FANCL: variants seen among roughly 807,000 people sequenced by gnomAD.
The protein encoded by FANCL is FA complementation group L.
In FANCL, 69 loss-of-function variants were observed where a neutral mutation model predicts 59.4. The ratio of observed to expected loss-of-function variants is 1.16; its 90% CI spans 0.96 to 1.42. The LOEUF (loss-of-function observed/expected upper bound fraction) is 1.42, where lower values mean the gene tolerates loss of function less well. Ranked by LOEUF, FANCL falls within the 40% of genes most tolerant of loss-of-function variation. The pLI, the probability that FANCL is intolerant of heterozygous loss-of-function variation, is 0.00. For synonymous variants in FANCL, 180 were observed against 147.1 expected, an observed-to-expected ratio of 1.22 and a Z score of -1.62; for missense variants, 519 against 447.2, an observed-to-expected ratio of 1.16 and a Z score of -1.45.
chr2:58,214,557 G>C (rs888862544), intron 5 of FANCL, among the ~76,000 whole-genome samples: 2 of 152,118 alleles, frequency 1.3e-5, no homozygotes, highest in Non-Finnish European at 2.9e-5. Flanking sequence ...CACCTAGACT[G>C]AAGTGCAGTG....
At chr2:58,233,129 T>A (rs7561771) in intron 1 of FANCL, among the ~76,000 whole-genome samples, 24,603 of 152,060 alleles carry the variant, frequency 0.16, 2,647 homozygotes, top group African/African-American at 0.31. Context: ...AATAATTCAC[T>A]GTTTCATTAA....
At chr2:58,199,682 A>T (rs1689798006) in intron 6 of FANCL, among the ~76,000 whole-genome samples, 1 of 152,170 alleles carries the variant, frequency 6.6e-6, no homozygotes, top group Non-Finnish European at 1.5e-5. Context: ...TTTCCTTATT[A>T]GAGAATCATA....
chr2:58,211,151 C>A (rs949149750), intron 5 of FANCL, among the ~76,000 whole-genome samples: 14 of 152,238 alleles, frequency 9.2e-5, no homozygotes, highest in African/African-American at 3.1e-4. Context: ...CCCACCCCTG[C>A]AGCAAACTTC....
At chr2:58,216,528 T>C (rs1176410434) in intron 5 of FANCL, among the ~76,000 whole-genome samples, 2 of 152,162 alleles carry the variant, frequency 1.3e-5, no homozygotes, top group African/African-American at 2.4e-5. Context: ...AAAGAAAGAA[T>C]AGTTACCTTA....
chr2:58,176,777 A>G (rs1687364609), intron 7 of FANCL, among the ~76,000 whole-genome samples: 1 of 152,166 alleles, frequency 6.6e-6, no homozygotes, highest in Non-Finnish European at 1.5e-5. Flanking sequence ...AAAATTGACA[A>G]ATGGGATCTA....
rs535205273 is a variant in FANCL, at chr2:58,189,387, TAAAA to T, written c.540+9203_540+9206del. 1.6e-3 allele frequency among the ~76,000 whole-genome samples: 239 copies of T among 152,136 alleles called. 3 individuals are homozygous for T. The highest frequency in any genetic ancestry group is 5.6e-3 in the African/African-American group (232 of 41,524). On this transcript the variant is annotated intron_variant, in intron 7 of 13. Coordinates refer to ENST00000233741, the MANE Select transcript of FANCL (RefSeq NM_018062.4). ...TTAGTTTTCTCAACAATTAGGAACTTAAAAAACACAAAATAGTAACAATCCTCAC... is the reference window on the plus strand; with the variant it reads ...TTAGTTTTCTCAACAATTAGGAACTTAACACAAAATAGTAACAATCCTCAC...
intron 5 of FANCL, among the ~76,000 whole-genome samples, chr2:58,217,667 C>G (rs981815719): frequency 5.9e-5 from 9 of 151,744 alleles, no homozygotes; most frequent in Admixed American, 2.0e-4. Flanking sequence ...TCTGTATGTA[C>G]CCAATAACAT....
chr2:58,193,118 T>C (rs1288521489), intron 7 of FANCL, among the ~76,000 whole-genome samples: 1 of 152,050 alleles, frequency 6.6e-6, no homozygotes, highest in East Asian at 1.9e-4. Flanking sequence ...TAGAGATAAA[T>C]GTTTTTCTAG....
At chr2:58,186,464 G>A (rs1688413363) in intron 7 of FANCL, among the ~76,000 whole-genome samples, 1 of 152,106 alleles carries the variant, frequency 6.6e-6, no homozygotes, top group Admixed American at 6.6e-5. Flanking sequence ...ACGAAGAGTG[G>A]GGACTGGAAA....
chr2:58,218,027 G>A (rs1022810713), intron 5 of FANCL, among the ~76,000 whole-genome samples: 13 of 151,878 alleles, frequency 8.6e-5, no homozygotes, highest in Non-Finnish European at 8.8e-5. Flanking sequence ...GACTTAAACT[G>A]GAACTCAATA....
intron 11 of FANCL, among the ~76,000 whole-genome samples, 178 bp downstream of exon 11, chr2:58,162,688 G>A (rs988879557): frequency 2.0e-5 from 3 of 151,868 alleles, no homozygotes; most frequent in African/African-American, 7.2e-5. Flanking sequence ...CCTGTTCCAA[G>A]AGACAGTTGT....
chr2:58,160,180 C>G lies in FANCL; in HGVS notation c.1021-1G>C. The stretch of plus-strand genomic sequence containing the variant: ...TACTAGTTAGTAGTCCTCTCAGCCA[C>G]TGCAAATTTTAAAAGATAAAGGAGA... On this transcript the variant is annotated splice_acceptor_variant, in intron 12 of 13. Transcript: ENST00000233741. LOFTEE classifies it high-confidence loss of function. 4 of 1,612,492 alleles carry G rather than the reference C, an allele frequency of 2.5e-6. No individual in the cohort carries two copies. The highest frequency in any genetic ancestry group is 2.5e-6 in the Non-Finnish European group (3 of 1,178,770).
chr2:58,236,373 A>G (rs554274060), intron 1 of FANCL, among the ~76,000 whole-genome samples: 2 of 152,114 alleles, frequency 1.3e-5, no homozygotes, highest in African/African-American at 4.8e-5. Flanking sequence ...TTGATAAACC[A>G]ATAGTGCATA....
chr2:58,193,603 C>T (rs1010782593), intron 7 of FANCL, among the ~76,000 whole-genome samples: 4 of 151,982 alleles, frequency 2.6e-5, no homozygotes, highest in African/African-American at 7.2e-5. Flanking sequence ...AACAGTAAGA[C>T]TGCCAACAAA....
chr2:58,237,844 T>C lies in FANCL; in HGVS notation c.96+3374A>G, dbSNP rs186156887. 1.7e-3 allele frequency among the ~76,000 whole-genome samples: 262 copies of C among 152,292 alleles called. 1 individual carries two copies. The highest frequency in any genetic ancestry group is 5.9e-3 in the African/African-American group (245 of 41,568). On this transcript the variant is annotated intron_variant, in intron 1 of 13. Transcript: ENST00000233741. ...TCTAACACAATAAAGCAGAAGTAAA[T>C]GTGTGTGACTTCAGAGACTAAGAGA...
At chr2:58,231,909 GA>G (rs1693621402) in intron 2 of FANCL, 144 bp downstream of exon 2, 2 of 709,848 alleles carry the variant, frequency 2.8e-6, no homozygotes, top group African/African-American at 3.5e-5. Context: ...CATTGGTTTG[GA>G]AAAATCAGAA....
In FANCL at chr2:58,241,246, G is replaced by A. The variant is rs750217091; in HGVS notation, c.68C>T (p.Thr23Ile). ...PLLLPQNRSK[T>I]VYEGFISAQG... ...AGCCGAGATGAATCCCTCATACACGGTTTTCGACCGGTTCTGGGGCAGAAG... is the reference window on the plus strand; with the variant it reads ...AGCCGAGATGAATCCCTCATACACGATTTTCGACCGGTTCTGGGGCAGAAG... Residue 23 changes from threonine to isoleucine, a missense_variant, in exon 1 of 14, where the codon ACC (threonine) becomes ATC (isoleucine). Thr to Ile is a moderately conservative substitution (Grantham distance 89). Coordinates refer to ENST00000233741, the MANE Select transcript of FANCL (RefSeq NM_018062.4). 6.2e-6 allele frequency: 10 copies of A among 1,614,252 alleles called. No individual in the cohort carries two copies. The highest frequency in any genetic ancestry group is 8.5e-7 in the Non-Finnish European group (1 of 1,180,038).
At chr2:58,169,374 C>T (rs990094419) in intron 7 of FANCL, among the ~76,000 whole-genome samples, 1 of 152,132 alleles carries the variant, frequency 6.6e-6, no homozygotes, top group Admixed American at 6.5e-5. Flanking sequence ...ACAAAAAGGA[C>T]ATCCACACCA....
At chr2:58,188,019 T>C (rs980439280) in intron 7 of FANCL, among the ~76,000 whole-genome samples, 3 of 152,190 alleles carry the variant, frequency 2.0e-5, no homozygotes, top group Non-Finnish European at 4.4e-5. Flanking sequence ...TTACAAATAC[T>C]TTTCCCTGTG....
Sources: allele counts gnomAD v4.1 joint callset (sites outside exome capture counted in the v4.1 genomes callset), GRCh38; gene constraint gnomAD v4.1.1; transcripts MANE v1.5; gene names NCBI Gene and HGNC (gene_info 2026-07-23, HGNC 2026-07-21).